Variants in PCDHGA8 observed in about 807,000 individuals in gnomAD.
The protein encoded by PCDHGA8 is protocadherin gamma-A8.
In PCDHGA8, 45 loss-of-function variants were observed where a neutral mutation model predicts 59.2. The observed-to-expected ratio is 0.76, with a 90% CI of 0.60 to 0.98. The LOEUF is 0.98. Among genes scored for constraint, PCDHGA8 ranks in the 50% least tolerant of loss-of-function variants. The pLI is 0.00. For missense variants in PCDHGA8, 1,257 were observed against 1,196.2 expected (o/e 1.05, Z -0.75); for synonymous variants, 531 against 519.0 (o/e 1.02, Z -0.32).
At chr5:141,469,362 G>C (rs915161729) in intron 1 of PCDHGA8, among the ~76,000 whole-genome samples, 14 of 152,084 alleles carry the variant, frequency 9.2e-5, no homozygotes, top group Non-Finnish European at 7.4e-5. Flanking sequence ...GGATCATGAG[G>C]TAAAGAGATC....
intron 1 of PCDHGA8, among the ~76,000 whole-genome samples, chr5:141,492,745 C>G (rs2099743569): frequency 6.6e-6 from 1 of 152,262 alleles, no homozygotes; most frequent in Non-Finnish European, 1.5e-5. Flanking sequence ...GTGGCCGAGG[C>G]GCGGCAGGGC....
In PCDHGA8 at chr5:141,477,532, C is replaced by T. The variant is rs754570150; in HGVS notation, c.2425-17275C>T. On this transcript the variant is annotated intron_variant, in intron 1 of 3. Transcript: ENST00000398604. This position sits in a 1 kb window ranked among gnomAD's most constrained non-coding sequence, Gnocchi z 4.9. ...TTTACATTGAAGAAAACAACCTCCC[C>T]GGGGCTCCAATACTAAACCTAAGTG... 2.5e-6 allele frequency: 4 copies of T among 1,614,028 alleles called. No individual in the cohort carries two copies. Among genetic ancestry groups the T allele is most frequent in the Admixed American group, 1.7e-5 (1 of 60,000 alleles).
chr5:141,428,199 C>T (rs760718878), intron 1 of PCDHGA8: 28 of 1,364,510 alleles, frequency 2.1e-5, no homozygotes, highest in Non-Finnish European at 2.9e-5. Flanking sequence ...CTCTCTGCGC[C>T]GCTACGCTTC....
intron 1 of PCDHGA8, among the ~76,000 whole-genome samples, chr5:141,484,281 C>T (rs969039536): frequency 6.6e-6 from 1 of 152,202 alleles, no homozygotes; most frequent in Admixed American, 6.5e-5. Context: ...TGTTTTGAAA[C>T]ATCTCCCTCT....
intron 2 of PCDHGA8, among the ~76,000 whole-genome samples, chr5:141,495,902 C>T (rs749735668): frequency 2.6e-5 from 4 of 152,120 alleles, no homozygotes; most frequent in Non-Finnish European, 2.9e-5. Context: ...TTGTCTCTGT[C>T]TCTGTATATC....
intron 1 of PCDHGA8, chr5:141,395,503 G>A (rs1428846111): frequency 2.2e-6 from 1 of 457,378 alleles, no homozygotes; most frequent in Non-Finnish European, 3.8e-6. Flanking sequence ...ATTCACTTAA[G>A]AAGTAGCTAC....
chr5:141,446,622 G>A (rs1338969669), intron 1 of PCDHGA8, among the ~76,000 whole-genome samples: 13 of 152,044 alleles, frequency 8.6e-5, no homozygotes, highest in East Asian at 1.9e-4. Flanking sequence ...GACTACAGGC[G>A]TGCACCACCA....
intron 1 of PCDHGA8, chr5:141,422,327 T>C (rs1561800795): frequency 1.3e-6 from 2 of 1,548,652 alleles, no homozygotes; most frequent in African/African-American, 2.8e-5. Context: ...GGTACAGTGA[T>C]TGCTCTTCTA....
rs1224515106 is a variant in PCDHGA8 at position 141,491,453 on chromosome 5, C to T, written c.2425-3354C>T. On this transcript the variant is annotated intron_variant, in intron 1 of 3. Transcript: ENST00000398604. The surrounding 1 kb of genome is among the most constrained non-coding windows in gnomAD (Gnocchi z 6.9). ...TGCTGCAGGCGCCAGGACTCACCCT[C>T]CCCGGACTTCTATAAGCAGTCCAGC... The T allele has an allele frequency of 6.2e-6, 10 of 1,614,120 alleles. No homozygotes were observed. The highest frequency in any genetic ancestry group is 8.5e-6 in the Non-Finnish European group (10 of 1,180,028).
intron 1 of PCDHGA8, chr5:141,410,167 T>C (rs372848702): frequency 6.2e-7 from 1 of 1,613,652 alleles, no homozygotes; most frequent in African/African-American, 1.3e-5. Context: ...CGCCACTCTC[T>C]GCCACCGCCA....
Position 141,393,307 on chromosome 5 carries a change from ACTC to A in PCDHGA8, c.496_498del (p.Ser166del). On this transcript the variant is annotated inframe_deletion, in exon 1 of 4. Transcript: ENST00000398604. ...GCTGTTGACCCGGATGTGGGCGTGAACTCCCTCCAGAGCTACCAGCTCAGCCCC... is the reference window on the plus strand; with the variant it reads ...GCTGTTGACCCGGATGTGGGCGTGAACCTCCAGAGCTACCAGCTCAGCCCC... The A allele has an allele frequency of 6.2e-7, 1 of 1,613,594 alleles. No individual in the cohort carries two copies. The highest frequency in any genetic ancestry group is 2.2e-5 in the East Asian group (1 of 44,856).
In PCDHGA8 at chr5:141,394,282, C is replaced by G. The variant is rs375429182; in HGVS notation, c.1469C>G (p.Ser490Cys). The G allele has an allele frequency of 6.8e-6, 11 of 1,613,864 alleles. No homozygotes were observed. The highest frequency in any genetic ancestry group is 8.5e-6 in the Non-Finnish European group (10 of 1,179,894). The change falls in exon 1 of 4, where the codon TCT becomes TGT. Residue 490 changes from serine to cysteine, a missense_variant. Transcript: ENST00000398604. ...DSQENAQVTY[S>C]VTEDTLQGAP... ...CAGGAGAATGCCCAGGTCACTTACT[C>G]TGTGACCGAGGACACGCTGCAGGGG... is the stretch of plus-strand genomic sequence containing the variant.
Position 141,394,972 on chromosome 5 carries a change from A to T in PCDHGA8, c.2159A>T (p.His720Leu), listed in dbSNP as rs766374618. Residue 720 changes from histidine to leucine, a missense_variant, in exon 1 of 4, where the codon CAC becomes CTC. By Grantham distance (99) the His-to-Leu change is moderately conservative. Coordinates refer to ENST00000398604, the MANE Select transcript of PCDHGA8 (RefSeq NM_032088.2). ...VLLGLRLRRW[H>L]KSRLLQDSGG... ...CTGGGGCTCAGGCTGAGGCGCTGGCACAAGTCACGCCTGCTCCAGGATTCC... is the reference window on the plus strand; with the variant it reads ...CTGGGGCTCAGGCTGAGGCGCTGGCTCAAGTCACGCCTGCTCCAGGATTCC... The T allele has an allele frequency of 1.7e-5, 28 of 1,613,900 alleles. No homozygotes were observed. Among genetic ancestry groups the T allele is most frequent in the Non-Finnish European group, 2.3e-5 (27 of 1,179,886 alleles).
chr5:141,470,794 C>T (rs1332287628), intron 1 of PCDHGA8, among the ~76,000 whole-genome samples: 1 of 152,162 alleles, frequency 6.6e-6, no homozygotes, highest in African/African-American at 2.4e-5. Flanking sequence ...CTCAAGCAAT[C>T]CTCCCACTTC....
At chr5:141,423,294 C>T (rs1222440954) in intron 1 of PCDHGA8, 22 of 1,614,036 alleles carry the variant, frequency 1.4e-5, no homozygotes, top group Admixed American at 1.3e-4. Flanking sequence ...AAACCTCAGA[C>T]CTCTCGCTGT....
chr5:141,420,460 A>G lies in PCDHGA8; in HGVS notation c.2424+25223A>G, dbSNP rs946386638. On this transcript the variant is annotated intron_variant, in intron 1 of 3. Coordinates refer to ENST00000398604, the MANE Select transcript of PCDHGA8 (RefSeq NM_032088.2). ...AATGCCTCAGTCTTCCTACTATTCA[A>G]AGACATTTTAAAGCAAACTACATGG... The G allele has an allele frequency of 3.4e-6, 3 of 889,944 alleles. No individual in the cohort carries two copies. The African/African-American group carries it at 5.2e-5, about 16-fold the overall frequency. 55.1% of individuals were successfully genotyped at this position (889,944 alleles called of 1,614,324 possible).
chr5:141,484,000 G>C (rs1425172275), intron 1 of PCDHGA8, among the ~76,000 whole-genome samples: 1 of 147,812 alleles, frequency 6.8e-6, no homozygotes, highest in Admixed American at 6.8e-5. Context: ...TGGGAGGTCT[G>C]GATGAGGGTG....
At chr5:141,398,517 G>C (rs754431224) in intron 1 of PCDHGA8, 38 of 1,592,096 alleles carry the variant, frequency 2.4e-5, no homozygotes, top group Non-Finnish European at 3.1e-5. Flanking sequence ...ATGACCACAC[G>C]CCAAAATTCA....
intron 1 of PCDHGA8, among the ~76,000 whole-genome samples, chr5:141,483,057 C>T (rs1329609397): frequency 6.6e-6 from 1 of 152,028 alleles, no homozygotes; most frequent in African/African-American, 2.4e-5. Flanking sequence ...TGCACTCCAG[C>T]ATGGGCAACA....
Sources: allele counts gnomAD v4.1 joint callset (sites outside exome capture counted in the v4.1 genomes callset), GRCh38; gene constraint gnomAD v4.1.1; non-coding constraint Gnocchi (gnomAD v3.1); transcripts MANE v1.5; gene names NCBI Gene and HGNC (gene_info 2026-07-23, HGNC 2026-07-21).